CAMSAP1: variants seen among roughly 807,000 people sequenced by gnomAD.
CAMSAP1 encodes calmodulin regulated spectrin associated protein 1, also known as calmodulin-regulated spectrin-associated protein 1.
CAMSAP1 carries 58 observed loss-of-function variants against 143.5 expected under a neutral mutation model. The observed-to-expected ratio is 0.40, with a 90% CI of 0.33 to 0.50. CAMSAP1 has a LOEUF of 0.50. Among genes scored for constraint, CAMSAP1 ranks in the 20% least tolerant of loss-of-function variants. CAMSAP1 has a pLI of 0.45. For synonymous variants in CAMSAP1, 945 were observed against 859.3 expected (o/e 1.10, Z -1.74); for missense variants, 1,969 against 2,115.7 (o/e 0.93, Z 1.36).
chr9:135,861,200 A>G (rs1837175135), intron 5 of CAMSAP1, among the ~76,000 whole-genome samples: 1 of 152,042 alleles, frequency 6.6e-6, no homozygotes, highest in Non-Finnish European at 1.5e-5. Context: ...CCAAACGAAC[A>G]TGGAAACTCA....
chr9:135,893,920 A>T (rs1470550070), intron 1 of CAMSAP1, among the ~76,000 whole-genome samples: 1 of 152,202 alleles, frequency 6.6e-6, no homozygotes, highest in Non-Finnish European at 1.5e-5. Context: ...GAGGACTCTG[A>T]AAGGTGGAAG....
Position 135,822,818 on chromosome 9 carries a change from G to GTTCA in CAMSAP1, c.1839_1842dup (p.Arg615Ter), listed in dbSNP as rs1807702544. ...ATGCTCCTCGGTCTCCCTTCCCCCC[G>GTTCA]TTCATCCTCCTTGGTGATCACCTGC... On this transcript the variant is annotated stop_gained and frameshift_variant, in exon 11 of 17. Transcript: ENST00000389532. LOFTEE classifies it high-confidence loss of function. This position sits in a 1 kb window ranked among gnomAD's most constrained non-coding sequence, Gnocchi z 6.1. 1 of 1,613,630 alleles carries GTTCA rather than the reference G, an allele frequency of 6.2e-7. No individual in the cohort carries two copies. The highest frequency in any genetic ancestry group is 1.3e-5 in the African/African-American group (1 of 74,884).
In CAMSAP1 at chr9:135,811,675, G is replaced by A. The variant is rs1835057480; in HGVS notation, c.4507-64C>T. 1.3e-6 allele frequency: 2 copies of A among 1,489,386 alleles called. No homozygotes were observed. The highest frequency in any genetic ancestry group is 1.4e-5 in the African/African-American group (1 of 71,928). 92.3% of individuals were successfully genotyped at this position (1,489,386 alleles called of 1,614,324 possible). A position where few individuals can be genotyped will look rare whatever the true frequency, so the allele number is the denominator to read the frequency against. On this transcript the variant is annotated intron_variant, in intron 16 of 16. Transcript: ENST00000389532. The surrounding 1 kb of genome is among the most constrained non-coding windows in gnomAD (Gnocchi z 4.9). ...AGGGCCACTCCAATTGCCACGAGTT[G>A]GGCTCCCACAGCGGCTCAACCAGCA...
At chr9:135,893,596 T>C (rs961637434) in intron 1 of CAMSAP1, among the ~76,000 whole-genome samples, 11 of 152,158 alleles carry the variant, frequency 7.2e-5, no homozygotes, top group Admixed American at 1.3e-4. Context: ...TGACATGTAA[T>C]TGGAGGCCCA....
At chr9:135,838,490 T>C (rs112749934) in intron 7 of CAMSAP1, among the ~76,000 whole-genome samples, 1,433 of 137,028 alleles carry the variant, frequency 0.01, 52 homozygotes, top group African/African-American at 0.038. Flanking sequence ...ATGCACTTTC[T>C]ACCCCTTCTA....
At chr9:135,906,845 G>C (rs1006149354) in intron 1 of CAMSAP1, among the ~76,000 whole-genome samples, 155 bp downstream of exon 1, 1 of 151,628 alleles carries the variant, frequency 6.6e-6, no homozygotes, top group Admixed American at 6.6e-5. Context: ...CCCGGGCGCC[G>C]CCAGGACCTC....
intron 3 of CAMSAP1, among the ~76,000 whole-genome samples, chr9:135,873,782 C>T (rs1490833833): frequency 6.6e-6 from 1 of 151,924 alleles, no homozygotes; most frequent in African/African-American, 2.4e-5. Flanking sequence ...TAATTAAAAT[C>T]GTCTAAGAAA....
At chr9:135,862,254 T>C (rs1447874951) in intron 5 of CAMSAP1, among the ~76,000 whole-genome samples, 1 of 142,084 alleles carries the variant, frequency 7.0e-6, no homozygotes, top group Non-Finnish European at 1.5e-5. Context: ...ACCCAGCTAA[T>C]TTCAAAGTGC....
intron 4 of CAMSAP1, among the ~76,000 whole-genome samples, chr9:135,864,584 A>G (rs1411430354): frequency 6.6e-6 from 1 of 152,198 alleles, no homozygotes; most frequent in Non-Finnish European, 1.5e-5. Flanking sequence ...CACCACTGGC[A>G]CCAAGTACTC....
intron 1 of CAMSAP1, among the ~76,000 whole-genome samples, chr9:135,894,082 G>T (rs1426623904): frequency 6.6e-6 from 1 of 152,052 alleles, no homozygotes; most frequent in African/African-American, 2.4e-5. Context: ...CACTTATTCT[G>T]CCCTGGATTG....
At chr9:135,902,874 G>A (rs1259724703) in intron 1 of CAMSAP1, among the ~76,000 whole-genome samples, 1 of 152,202 alleles carries the variant, frequency 6.6e-6, no homozygotes, top group African/African-American at 2.4e-5. Context: ...GGATGAACTG[G>A]CGAACCCTAA....
At chr9:135,858,449 C>T (rs537790078) in intron 5 of CAMSAP1, among the ~76,000 whole-genome samples, 2 of 152,312 alleles carry the variant, frequency 1.3e-5, no homozygotes, top group African/African-American at 4.8e-5. Flanking sequence ...TAAAACCCTG[C>T]CCCTGTTGAG....
At chr9:135,847,213 G>T (rs1362868498) in intron 7 of CAMSAP1, among the ~76,000 whole-genome samples, 1 of 151,972 alleles carries the variant, frequency 6.6e-6, no homozygotes, top group Non-Finnish European at 1.5e-5. Context: ...AAATTAGCTG[G>T]GCATGGTGGT....
intron 4 of CAMSAP1, among the ~76,000 whole-genome samples, chr9:135,865,077 G>A (rs535232689): frequency 5.9e-5 from 9 of 152,042 alleles, no homozygotes; most frequent in Admixed American, 2.0e-4. Flanking sequence ...CTCTCATTAC[G>A]TGCACGTTGA....
chr9:135,839,246 T>C (rs1258015659), intron 7 of CAMSAP1, among the ~76,000 whole-genome samples: 1 of 152,214 alleles, frequency 6.6e-6, no homozygotes, highest in East Asian at 1.9e-4. Flanking sequence ...TATTTCTAGC[T>C]ACTCAGCAAG....
intron 1 of CAMSAP1, among the ~76,000 whole-genome samples, chr9:135,897,130 A>G (rs1234877782): frequency 6.6e-6 from 1 of 152,140 alleles, no homozygotes; most frequent in African/African-American, 2.4e-5. Flanking sequence ...ATATATACAT[A>G]TAGGGCTCAG....
intron 7 of CAMSAP1, among the ~76,000 whole-genome samples, chr9:135,838,364 C>G (rs558225995): frequency 0.01 from 1,464 of 142,836 alleles, 29 homozygotes; most frequent in African/African-American, 0.035. Flanking sequence ...GTTCTACAGA[C>G]ACATGTCATC....
At chr9:135,847,739 C>T (rs903646795) in intron 7 of CAMSAP1, among the ~76,000 whole-genome samples, 1 of 141,764 alleles carries the variant, frequency 7.1e-6, no homozygotes, top group African/African-American at 2.7e-5. Flanking sequence ...TTAGGGAAAA[C>T]GCCTAATGTA....
Position 135,809,194 on chromosome 9 carries a change from T to C in CAMSAP1, c.*2115A>G, listed in dbSNP as rs1001051676. On this transcript the variant is annotated 3_prime_UTR_variant, in exon 17 of 17. Transcript: ENST00000389532. ...TCAAGACTAATTAAAAGGGTTGCTG[T>C]GTCCAAGCATGAAGAACGCAGGGAC... is the stretch of plus-strand genomic sequence containing the variant. The C allele has an allele frequency of 2.0e-5, 3 of 152,252 alleles. No homozygotes were observed. The highest frequency in any genetic ancestry group is 4.4e-5 in the Non-Finnish European group (3 of 68,044). 9.4% of individuals were successfully genotyped at this position (152,252 alleles called of 1,614,324 possible). A position where few individuals can be genotyped will look rare whatever the true frequency, so the allele number is the denominator to read the frequency against.
Sources: allele counts gnomAD v4.1 joint callset (sites outside exome capture counted in the v4.1 genomes callset), GRCh38; gene constraint gnomAD v4.1.1; non-coding constraint Gnocchi (gnomAD v3.1); transcripts MANE v1.5; gene names NCBI Gene and HGNC (gene_info 2026-07-23, HGNC 2026-07-21).